Variants in LARGE1 observed in about 807,000 individuals in gnomAD.
The protein encoded by LARGE1 is xylosyl- and glucuronyltransferase LARGE1.
A neutral mutation model predicts 87.6 loss-of-function variants in LARGE1; 43 were observed. The observed-to-expected ratio is 0.49, with a 90% CI of 0.38 to 0.63. LARGE1 has a LOEUF of 0.63. Ranked by LOEUF, LARGE1 falls within the 30% of genes least tolerant of loss-of-function variation. The probability of loss-of-function intolerance (pLI) is 0.00; values close to 1 mark genes in which losing one functional copy is unlikely to be tolerated. For missense variants in LARGE1, 802 were observed against 1,000.2 expected (o/e 0.80, Z 2.67); for synonymous variants, 434 against 394.6 (o/e 1.10, Z -1.18).
chr22:33,766,367 T>C (rs369483007), intron 1 of LARGE1, among the ~76,000 whole-genome samples: 5 of 152,298 alleles, frequency 3.3e-5, no homozygotes, highest in African/African-American at 1.2e-4. Context: ...CCATCTGTCT[T>C]AACCAATGAA....
intron 13 of LARGE1, among the ~76,000 whole-genome samples, chr22:33,281,391 TAA>T (rs3216416): frequency 4.2e-4 from 61 of 146,988 alleles, no homozygotes; most frequent in African/African-American, 1.2e-3. Context: ...AAACACTGGT[TAA>T]AAAAAAAAAA....
chr22:33,262,704 T>C (rs1927701231), intron 11 of LARGE1, among the ~76,000 whole-genome samples: 1 of 152,156 alleles, frequency 6.6e-6, no homozygotes, highest in Admixed American at 6.5e-5. Context: ...TCTCATTCTC[T>C]TTCAGGGACA....
chr22:33,441,685 T>C (rs1225656862), intron 6 of LARGE1, among the ~76,000 whole-genome samples: 1 of 151,914 alleles, frequency 6.6e-6, no homozygotes, highest in African/African-American at 2.4e-5. Flanking sequence ...TCTTGAACTC[T>C]TGGCCTCAGA....
chr22:33,159,944 A>AC (rs1023628564), downstream of LARGE1, among the ~76,000 whole-genome samples: 1 of 151,546 alleles, frequency 6.6e-6, no homozygotes, highest in Middle Eastern at 3.2e-3. Context: ...GTAAAAAAAA[A>AC]AAAACACTCA....
intron 6 of LARGE1, among the ~76,000 whole-genome samples, chr22:33,559,914 C>G (rs1280301531): frequency 6.6e-6 from 1 of 152,268 alleles, no homozygotes; most frequent in Non-Finnish European, 1.5e-5. Flanking sequence ...ATGCCTAGAT[C>G]GCCTTGGGCC....
At chr22:33,908,337 G>A (rs1343269495) in intron 1 of LARGE1, among the ~76,000 whole-genome samples, 2 of 152,060 alleles carry the variant, frequency 1.3e-5, no homozygotes, top group African/African-American at 2.4e-5. Flanking sequence ...GTGCAGATGC[G>A]GTTCAGTGCT....
At chr22:33,219,459 G>T (rs1925358621) in intron 11 of LARGE1, among the ~76,000 whole-genome samples, 1 of 152,184 alleles carries the variant, frequency 6.6e-6, no homozygotes, top group Admixed American at 6.5e-5. Flanking sequence ...GGAGAACCTG[G>T]TGTACGCTAA....
At chr22:33,191,553 A>C (rs1385931254) in intron 11 of LARGE1, among the ~76,000 whole-genome samples, 1 of 152,104 alleles carries the variant, frequency 6.6e-6, no homozygotes, top group African/African-American at 2.4e-5. Context: ...ATAAATTTAG[A>C]ACTAAAAGGA....
intron 11 of LARGE1, among the ~76,000 whole-genome samples, chr22:33,184,244 C>T (rs1923354739): frequency 6.6e-6 from 1 of 151,268 alleles, no homozygotes; most frequent in Non-Finnish European, 1.5e-5. Flanking sequence ...TGCTTGATAT[C>T]TTGTAGAGTA....
intron 11 of LARGE1, among the ~76,000 whole-genome samples, chr22:33,192,309 T>G (rs1363400397): frequency 6.6e-6 from 1 of 152,224 alleles, no homozygotes; most frequent in African/African-American, 2.4e-5. Flanking sequence ...TCAAATCTCC[T>G]TGATGCTTTA....
intron 6 of LARGE1, among the ~76,000 whole-genome samples, chr22:33,541,168 A>G (rs1249404093): frequency 6.9e-6 from 1 of 144,396 alleles, no homozygotes; most frequent in Non-Finnish European, 1.5e-5. Context: ...CTATAGAGCA[A>G]GACCCTGTCT....
chr22:33,338,599 T>C (rs549632678), intron 9 of LARGE1, among the ~76,000 whole-genome samples: 11 of 152,304 alleles, frequency 7.2e-5, no homozygotes, highest in Middle Eastern at 3.4e-3. Flanking sequence ...AGCTAGGACG[T>C]TGAATGATAC....
intron 6 of LARGE1, among the ~76,000 whole-genome samples, chr22:33,475,328 T>C (rs982502395): frequency 1.3e-5 from 2 of 152,086 alleles, no homozygotes; most frequent in Admixed American, 1.3e-4. Context: ...ATTTATGTGA[T>C]AGAGATGGTT....
At chr22:33,867,651 G>A (rs1168187584) in intron 1 of LARGE1, among the ~76,000 whole-genome samples, 1 of 152,184 alleles carries the variant, frequency 6.6e-6, no homozygotes, top group African/African-American at 2.4e-5. Flanking sequence ...AAATGTCATG[G>A]GATGGAGCCA....
At chr22:33,911,902 A>G (rs898014318) in intron 1 of LARGE1, among the ~76,000 whole-genome samples, 1 of 152,204 alleles carries the variant, frequency 6.6e-6, no homozygotes, top group Non-Finnish European at 1.5e-5. Flanking sequence ...TCACCATTTA[A>G]GTCTACTGTT....
intron 6 of LARGE1, among the ~76,000 whole-genome samples, chr22:33,515,162 A>G (rs1380854420): frequency 6.6e-6 from 1 of 152,106 alleles, no homozygotes; most frequent in Non-Finnish European, 1.5e-5. Context: ...AAAAAGAATG[A>G]ATGCTGCATG....
intron 1 of LARGE1, among the ~76,000 whole-genome samples, chr22:33,798,963 G>A (rs751185473): frequency 5.3e-5 from 8 of 152,020 alleles, no homozygotes; most frequent in Admixed American, 1.3e-4. Flanking sequence ...CAACACTACT[G>A]CATCCCATTA....
intron 6 of LARGE1, among the ~76,000 whole-genome samples, chr22:33,476,230 C>G (rs549176436): frequency 6.6e-6 from 1 of 152,200 alleles, no homozygotes; most frequent in Non-Finnish European, 1.5e-5. Context: ...CAAACGCATA[C>G]CTGGATTGCT....
chr22:33,748,713 C>T (rs1035421880), intron 2 of LARGE1, among the ~76,000 whole-genome samples: 1 of 152,224 alleles, frequency 6.6e-6, no homozygotes, highest in Non-Finnish European at 1.5e-5. Flanking sequence ...GAGGATGGCC[C>T]TTTCCTCTTT....
Sources: allele counts gnomAD v4.1 joint callset (sites outside exome capture counted in the v4.1 genomes callset), GRCh38; gene constraint gnomAD v4.1.1; transcripts MANE v1.5; gene names NCBI Gene and HGNC (gene_info 2026-07-23, HGNC 2026-07-21).